STON2: variants seen among roughly 807,000 people sequenced by gnomAD.
The protein encoded by STON2 is stonin-2.
In STON2, 29 loss-of-function variants were observed where a neutral mutation model predicts 65.7. That is an observed-to-expected ratio of 0.44 (90% CI 0.33 to 0.60). STON2 has a LOEUF of 0.60. Ranked by LOEUF, STON2 falls within the 20% of genes least tolerant of loss-of-function variation. STON2 has a pLI of 0.03. For missense variants in STON2, 1,054 were observed against 1,118.1 expected, an observed-to-expected ratio of 0.94 and a Z score of 0.82; for synonymous variants, 404 against 414.2, an observed-to-expected ratio of 0.98 and a Z score of 0.30.
chr14:81,319,598 T>C (rs140576099), intron 5 of STON2, among the ~76,000 whole-genome samples: 9 of 152,306 alleles, frequency 5.9e-5, no homozygotes, highest in Non-Finnish European at 1.3e-4. Flanking sequence ...TGTTTAAGTA[T>C]AGATGAACTG....
At chr14:81,293,944 G>C in intron 5 of STON2, among the ~76,000 whole-genome samples, 1 of 152,148 alleles carries the variant, frequency 6.6e-6, no homozygotes, top group Middle Eastern at 3.2e-3. Flanking sequence ...TGAGGTGGTT[G>C]TAACACAGTA....
At chr14:81,420,255 T>C (rs1901638853) in intron 2 of STON2, among the ~76,000 whole-genome samples, 1 of 152,198 alleles carries the variant, frequency 6.6e-6, no homozygotes, top group African/African-American at 2.4e-5. Flanking sequence ...GCCTAAGAGA[T>C]GGCCAATACG....
At position 81,266,040 on chromosome 14, in the gene STON2, A is replaced by G. The variant is rs915679619; in HGVS notation, c.*2374T>C. 6 of 985,330 alleles carry G rather than the reference A, an allele frequency of 6.1e-6. No homozygotes were observed. The African/African-American group carries it at 1.0e-4, about 17-fold the overall frequency. The allele number at this position is 985,330 out of a possible 1,614,324, so 61.0% of individuals were successfully genotyped here. A position where few individuals can be genotyped will look rare whatever the true frequency, so the allele number is the denominator to read the frequency against. On this transcript the variant is annotated 3_prime_UTR_variant, in exon 8 of 8. Transcript: ENST00000614646. ...TTGAAATTCCTTGACAAAAACCTCA[A>G]AGGAACTCCACTGTATTTCAAAGAG...
Position 81,264,420 on chromosome 14 carries a change from T to C in STON2, c.*3994A>G, listed in dbSNP as rs988133395. The C allele has an allele frequency of 4.1e-6, 4 of 985,330 alleles. No homozygotes were observed. Among genetic ancestry groups the C allele is most frequent in the Non-Finnish European group, 4.8e-6 (4 of 829,934 alleles). 61.0% of individuals were successfully genotyped at this position (985,330 alleles called of 1,614,324 possible). On this transcript the variant is annotated 3_prime_UTR_variant, in exon 8 of 8. Coordinates refer to ENST00000614646, the MANE Select transcript of STON2 (RefSeq NM_001394390.1). ...GGTCAGTATTCTTTCAGCAAACATTTATTGAATACATACTCATTTTCCTTT... is the reference window on the plus strand; with the variant it reads ...GGTCAGTATTCTTTCAGCAAACATTCATTGAATACATACTCATTTTCCTTT...
chr14:81,321,742 C>A (rs777289951), intron 5 of STON2, among the ~76,000 whole-genome samples: 14 of 152,148 alleles, frequency 9.2e-5, no homozygotes, highest in Admixed American at 1.3e-4. Context: ...ACATACCAAA[C>A]AGGCCATGAA....
chr14:81,405,522 GT>G (rs60663114), intron 2 of STON2, among the ~76,000 whole-genome samples: 1,547 of 107,360 alleles, frequency 0.014, 28 homozygotes, highest in African/African-American at 0.052. Context: ...CTTTCCTAAG[GT>G]TTTTTTTTTT....
At chr14:81,317,057 C>T (rs971508918) in intron 5 of STON2, among the ~76,000 whole-genome samples, 1 of 152,078 alleles carries the variant, frequency 6.6e-6, no homozygotes, top group Admixed American at 6.6e-5. Flanking sequence ...TATTTGGGCT[C>T]ATGGTTGTGC....
At chr14:81,325,199 CT>C (rs1197910337) in intron 4 of STON2, among the ~76,000 whole-genome samples, 1 of 152,224 alleles carries the variant, frequency 6.6e-6, no homozygotes, top group African/African-American at 2.4e-5. Flanking sequence ...AGTTTTATAA[CT>C]TTTCCAAAAC....
At chr14:81,365,688 G>GGAGGTTGCA (rs1898690881) in intron 4 of STON2, among the ~76,000 whole-genome samples, 1 of 152,128 alleles carries the variant, frequency 6.6e-6, no homozygotes, top group Non-Finnish European at 1.5e-5. Flanking sequence ...CCCGGAAGGT[G>GGAGGTTGCA]GAGGTTGCAG....
intron 3 of STON2, among the ~76,000 whole-genome samples, chr14:81,389,586 T>C (rs965931280): frequency 5.3e-5 from 8 of 152,218 alleles, no homozygotes; most frequent in Non-Finnish European, 1.2e-4. Flanking sequence ...GAGGGCCATT[T>C]TGTCTAAGCT....
intron 3 of STON2, among the ~76,000 whole-genome samples, chr14:81,393,809 AG>A (rs1900191757): frequency 6.6e-6 from 1 of 152,210 alleles, no homozygotes; most frequent in Non-Finnish European, 1.5e-5. Context: ...TCTCAGTGTT[AG>A]GTGTTCAGTA....
At chr14:81,353,218 T>C (rs1279447443) in intron 4 of STON2, among the ~76,000 whole-genome samples, 1 of 152,158 alleles carries the variant, frequency 6.6e-6, no homozygotes, top group Non-Finnish European at 1.5e-5. Context: ...TGGGGAAAAG[T>C]TTTATTTCCA....
rs1270644834 is a variant in STON2, at chr14:81,277,603, C to G, written c.1879G>C (p.Glu627Gln). ...TCATCTCTGACATCCACTGTAATCTCCTCTTCAAGGTAGTTGAGGCCAACT... is the reference window on the plus strand; with the variant it reads ...TCATCTCTGACATCCACTGTAATCTGCTCTTCAAGGTAGTTGAGGCCAACT... ...STVGLNYLEE[E>Q]ITVDVRDEFS... The change falls in exon 6 of 8, where the codon GAG becomes CAG. Residue 627 changes from glutamate (E) to glutamine (Q), a missense_variant. Glu to Gln is a conservative substitution (Grantham distance 29). Transcript: ENST00000614646. The G allele has an allele frequency of 6.2e-7, 1 of 1,614,044 alleles. No individual in the cohort carries two copies. The highest frequency in any genetic ancestry group is 8.5e-7 in the Non-Finnish European group (1 of 1,180,044).
chr14:81,389,654 T>G (rs1304509950), intron 3 of STON2, among the ~76,000 whole-genome samples: 1 of 152,196 alleles, frequency 6.6e-6, no homozygotes, highest in Non-Finnish European at 1.5e-5. Flanking sequence ...GTGGCCAATT[T>G]AGACAAAAGT....
intron 7 of STON2, chr14:81,269,740 CTTCT>C (rs1220937372): frequency 3.0e-6 from 3 of 985,120 alleles, no homozygotes; most frequent in African/African-American, 1.7e-5. Flanking sequence ...TTGCAAAATC[CTTCT>C]TTAACAAACT....
intron 5 of STON2, among the ~76,000 whole-genome samples, chr14:81,290,696 T>A (rs1025294521): frequency 6.6e-6 from 1 of 152,218 alleles, no homozygotes; most frequent in African/African-American, 2.4e-5. Flanking sequence ...ATGTTCTTTA[T>A]GTGGACTTTC....
intron 2 of STON2, among the ~76,000 whole-genome samples, chr14:81,407,935 C>T (rs979665791): frequency 6.6e-6 from 1 of 152,134 alleles, no homozygotes; most frequent in African/African-American, 2.4e-5. Flanking sequence ...GAAGCTGAAT[C>T]AGAAGTTGAA....
Position 81,374,983 on chromosome 14 carries a change from G to C in STON2, c.374-3798C>G, listed in dbSNP as rs377386842. Among the ~76,000 whole-genome samples, 27 of 152,270 alleles carry C rather than the reference G, an allele frequency of 1.8e-4. No individual in the cohort carries two copies. In the South Asian group the frequency reaches 5.6e-3, roughly 32 times the overall value. ...AGAAGATCTTAACAGCCATCAAAGA[G>C]AAAATACACATTACCTTCAAACGAA... On this transcript the variant is annotated intron_variant, in intron 3 of 7. Transcript: ENST00000614646.
At chr14:81,308,774 T>A (rs1896281058) in intron 5 of STON2, among the ~76,000 whole-genome samples, 5 of 98,268 alleles carry the variant, frequency 5.1e-5, no homozygotes, top group Non-Finnish European at 8.3e-5. Flanking sequence ...GAGGACATGG[T>A]TTTACCCATA....
Sources: gnomAD v4.1 joint callset for allele counts (sites outside exome capture counted in the v4.1 genomes callset) on GRCh38, gnomAD v4.1.1 for gene constraint, MANE v1.5 for transcripts, NCBI Gene and HGNC (gene_info 2026-07-23, HGNC 2026-07-21) for gene names.